TENM3: variants seen among roughly 807,000 people sequenced by gnomAD.
TENM3 encodes teneurin transmembrane protein 3, also known as teneurin-3.
A neutral mutation model predicts 255.1 loss-of-function variants in TENM3; 63 were observed. The ratio of observed to expected loss-of-function variants is 0.25; its 90% CI spans 0.20 to 0.30. The LOEUF (loss-of-function observed/expected upper bound fraction) is 0.30. Ranked by LOEUF, TENM3 falls within the 10% of genes least tolerant of loss-of-function variation. The pLI, the probability that TENM3 is intolerant of heterozygous loss-of-function variation, is 1.00. For missense variants in TENM3, 2,929 were observed against 3,461.1 expected (o/e 0.85, Z 3.86); for synonymous variants, 1,306 against 1,322.3 (o/e 0.99, Z 0.27).
chr4:181,486,657 T>C, the TENM3 span, among the ~76,000 whole-genome samples: 18 of 152,292 alleles, frequency 1.2e-4, no homozygotes, highest in South Asian at 1.0e-3. Context: ...AGCGGCGCTA[T>C]TTACAACACC....
chr4:182,462,756 G>A (rs1732158917), intron 3 of TENM3, among the ~76,000 whole-genome samples: 1 of 151,732 alleles, frequency 6.6e-6, no homozygotes, highest in Non-Finnish European at 1.5e-5. Context: ...GTGTGGTGGT[G>A]GGCGCCTGTG....
intron 4 of TENM3, among the ~76,000 whole-genome samples, chr4:182,602,604 T>C (rs1335236947): frequency 6.6e-6 from 1 of 152,208 alleles, no homozygotes; most frequent in Non-Finnish European, 1.5e-5. Flanking sequence ...TAGTTGAGTT[T>C]TATTGTTTAT....
intron 6 of TENM3, among the ~76,000 whole-genome samples, chr4:182,660,437 G>A (rs1031584498): frequency 2.6e-5 from 4 of 152,134 alleles, no homozygotes; most frequent in Non-Finnish European, 5.9e-5. Context: ...TTCTTTATAG[G>A]GTAATATAAA....
chr4:182,626,828 A>C (rs1225994679), intron 4 of TENM3, among the ~76,000 whole-genome samples: 1 of 152,220 alleles, frequency 6.6e-6, no homozygotes, highest in Admixed American at 6.5e-5. Context: ...TTTGTGTTTG[A>C]CAAAGCATTT....
intron 1 of TENM3, among the ~76,000 whole-genome samples, chr4:182,206,402 C>T (rs1754580619): frequency 6.6e-6 from 1 of 152,178 alleles, no homozygotes; most frequent in African/African-American, 2.4e-5. Flanking sequence ...CTCAAGGAGT[C>T]TGTTATGGGC....
At chr4:182,103,021 C>A in the TENM3 span, among the ~76,000 whole-genome samples, 1 of 152,286 alleles carries the variant, frequency 6.6e-6, no homozygotes, top group South Asian at 2.1e-4. Context: ...AAAGTTAAGA[C>A]TCTGTTTATT....
chr4:181,985,363 T>C, the TENM3 span, among the ~76,000 whole-genome samples: 1 of 152,054 alleles, frequency 6.6e-6, no homozygotes, highest in African/African-American at 2.4e-5. Flanking sequence ...GGACACATAT[T>C]TTTTATCTGC....
rs150221294 is a variant in TENM3 at position 182,699,248 on chromosome 4, A to T, written c.2221+10897A>T. The stretch of plus-strand genomic sequence containing the variant: ...ATTAGAAGCAGCTGTTTCAGAAAGA[A>T]TGGAGAGTTAAACCTGTTGTGATTT... On this transcript the variant is annotated intron_variant, in intron 12 of 27. Transcript: ENST00000511685. 2.7e-4 allele frequency among the ~76,000 whole-genome samples: 41 copies of T among 152,342 alleles called. No individual in the cohort carries two copies. The East Asian group carries it at 6.9e-3, about 26-fold the overall frequency.
intron 3 of TENM3, among the ~76,000 whole-genome samples, chr4:182,389,305 A>G (rs1768236505): frequency 6.6e-6 from 1 of 151,972 alleles, no homozygotes; most frequent in Non-Finnish European, 1.5e-5. Context: ...CAGAAAGTAC[A>G]CATTGATACA....
chr4:182,398,085 A>G (rs1768975531), intron 3 of TENM3, among the ~76,000 whole-genome samples: 2 of 152,176 alleles, frequency 1.3e-5, no homozygotes, highest in South Asian at 4.1e-4. Context: ...AATTCAAATA[A>G]GGGGACTCCA....
the TENM3 span, among the ~76,000 whole-genome samples, chr4:182,078,851 G>A: frequency 3.3e-5 from 5 of 152,164 alleles, no homozygotes; most frequent in Middle Eastern, 3.2e-3. Context: ...ATGGAAGAAA[G>A]CATGGGGTGA....
At chr4:181,462,245 G>T in the TENM3 span, among the ~76,000 whole-genome samples, 1 of 152,156 alleles carries the variant, frequency 6.6e-6, no homozygotes. Context: ...AGTAGTAGTA[G>T]TTAGGGTAAT....
At chr4:181,657,849 C>A in the TENM3 span, among the ~76,000 whole-genome samples, 7 of 151,916 alleles carry the variant, frequency 4.6e-5, no homozygotes, top group Admixed American at 4.6e-4. Flanking sequence ...GTGGGTGGAA[C>A]CGGAGGCCAT....
chr4:181,633,001 C>T, the TENM3 span, among the ~76,000 whole-genome samples: 1 of 152,166 alleles, frequency 6.6e-6, no homozygotes, highest in South Asian at 2.1e-4. Flanking sequence ...TGAGGATTTT[C>T]TCCATGACAA....
At chr4:181,449,731 G>A in the TENM3 span, among the ~76,000 whole-genome samples, 6 of 152,282 alleles carry the variant, frequency 3.9e-5, no homozygotes, top group African/African-American at 1.2e-4. Context: ...AGGTTGCAAT[G>A]AGCCGAGATC....
the TENM3 span, among the ~76,000 whole-genome samples, chr4:181,957,294 C>A: frequency 6.6e-6 from 1 of 152,170 alleles, no homozygotes; most frequent in South Asian, 2.1e-4. Context: ...CCACGGCCAG[C>A]ATCACACACA....
intron 24 of TENM3, among the ~76,000 whole-genome samples, chr4:182,781,067 G>A (rs1470215911): frequency 3.3e-5 from 5 of 151,780 alleles, no homozygotes; most frequent in African/African-American, 1.2e-4. Context: ...CTGCCTAATT[G>A]CCCTGGCCAG....
chr4:182,044,852 G>A, the TENM3 span, among the ~76,000 whole-genome samples: 1 of 152,188 alleles, frequency 6.6e-6, no homozygotes, highest in African/African-American at 2.4e-5. Flanking sequence ...ACTCAAGACG[G>A]ATAGTCCCTC....
chr4:182,528,991 G>T (rs551306542), intron 3 of TENM3, among the ~76,000 whole-genome samples: 4 of 152,266 alleles, frequency 2.6e-5, no homozygotes, highest in African/African-American at 9.6e-5. Context: ...AGTACTTAAC[G>T]CATGATCGTT....
Sources: gnomAD v4.1 joint callset for allele counts (sites outside exome capture counted in the v4.1 genomes callset) on GRCh38, gnomAD v4.1.1 for gene constraint, MANE v1.5 for transcripts, NCBI Gene and HGNC (gene_info 2026-07-23, HGNC 2026-07-21) for gene names.